GPHN: variants seen among roughly 807,000 people sequenced by gnomAD.
The protein encoded by GPHN is gephyrin.
Under a neutral mutation model 95.5 loss-of-function variants are expected in GPHN, and 17 were observed. That is an observed-to-expected ratio of 0.18 (90% CI 0.12 to 0.27). GPHN has a LOEUF of 0.27. Among genes scored for constraint, GPHN ranks in the 10% least tolerant of loss-of-function variants. The probability of loss-of-function intolerance (pLI) is 1.00; values close to 1 mark genes in which losing one functional copy is unlikely to be tolerated. For synonymous variants in GPHN, 320 were observed against 322.5 expected (o/e 0.99, Z 0.08); for missense variants, 660 against 978.1 (o/e 0.67, Z 4.34).
intron 17 of GPHN, among the ~76,000 whole-genome samples, chr14:67,140,448 T>C (rs72715393): frequency 0.067 from 10,104 of 151,682 alleles, 355 homozygotes; most frequent in Middle Eastern, 0.086. Flanking sequence ...TCAGCTAGGC[T>C]CCAGAACCTT....
chr14:67,308,254 G>A, the GPHN span, among the ~76,000 whole-genome samples: 2,302 of 148,396 alleles, frequency 0.016, 27 homozygotes, highest in Non-Finnish European at 0.024. Flanking sequence ...AAAAGTCAGT[G>A]TAAAAAGTAT....
intron 1 of GPHN, among the ~76,000 whole-genome samples, chr14:66,615,931 T>G (rs1176614558): frequency 6.6e-6 from 1 of 152,136 alleles, no homozygotes; most frequent in Non-Finnish European, 1.5e-5. Context: ...TTCAGTTTTC[T>G]GCATATGGCT....
intron 1 of GPHN, among the ~76,000 whole-genome samples, chr14:66,548,400 C>T (rs905986525): frequency 2.0e-5 from 3 of 152,020 alleles, no homozygotes; most frequent in Non-Finnish European, 4.4e-5. Context: ...AGGCTGGTTT[C>T]GAACTCCTGA....
intron 13 of GPHN, among the ~76,000 whole-genome samples, chr14:67,109,474 C>A (rs1165871300): frequency 6.6e-6 from 1 of 152,090 alleles, no homozygotes; most frequent in Non-Finnish European, 1.5e-5. Context: ...CTTATACCAT[C>A]AATATGAGAG....
intron 1 of GPHN, among the ~76,000 whole-genome samples, chr14:66,613,979 T>A (rs192904241): frequency 4.1e-4 from 63 of 152,292 alleles, no homozygotes; most frequent in African/African-American, 1.4e-3. Flanking sequence ...TGTAGTTATG[T>A]GTTTATGTCT....
At chr14:66,623,364 C>G (rs185818427) in intron 1 of GPHN, among the ~76,000 whole-genome samples, 190 of 152,198 alleles carry the variant, frequency 1.2e-3, no homozygotes, top group Non-Finnish European at 2.2e-3. Context: ...GGTGGGGACA[C>G]AGCCAAACCA....
chr14:67,473,630 G>A, the GPHN span: 17,346 of 1,586,536 alleles, frequency 0.011, 212 homozygotes, highest in Admixed American at 0.052. The surrounding 1 kb of genome is among the most constrained non-coding windows in gnomAD (Gnocchi z 6.5). Context: ...GGCAGGCGTT[G>A]AACTGGCGCA....
chr14:67,557,184 A>G, the GPHN span: 1 of 1,118,604 alleles, frequency 8.9e-7, no homozygotes, highest in Middle Eastern at 2.0e-4. Flanking sequence ...CTGGGGCATC[A>G]GACGGTGTCC....
chr14:66,652,153 C>A (rs2065073657), intron 1 of GPHN, among the ~76,000 whole-genome samples: 1 of 152,040 alleles, frequency 6.6e-6, no homozygotes, highest in Non-Finnish European at 1.5e-5. Flanking sequence ...GGGATATATT[C>A]ATTAACTCAT....
intron 6 of GPHN, among the ~76,000 whole-genome samples, chr14:66,918,501 A>T (rs1425076618): frequency 6.6e-6 from 1 of 152,176 alleles, no homozygotes; most frequent in East Asian, 1.9e-4. Context: ...AAAAAAACTT[A>T]TGTCAAAGTG....
the GPHN span, among the ~76,000 whole-genome samples, chr14:67,404,922 T>G: frequency 6.6e-6 from 1 of 151,014 alleles, no homozygotes; most frequent in African/African-American, 2.4e-5. Flanking sequence ...CTCTAAGGAG[T>G]AAGAGTGGAT....
intron 10 of GPHN, among the ~76,000 whole-genome samples, chr14:67,035,928 C>T (rs768928778): frequency 6.2e-4 from 94 of 151,184 alleles, no homozygotes; most frequent in African/African-American, 2.1e-3. Flanking sequence ...TACCCTGATA[C>T]GAATAGAAAA....
the GPHN span, among the ~76,000 whole-genome samples, chr14:67,363,717 G>C: frequency 6.6e-6 from 1 of 152,192 alleles, no homozygotes; most frequent in East Asian, 1.9e-4. Context: ...TCTGTAGGTA[G>C]TGGAAAGATA....
the GPHN span, among the ~76,000 whole-genome samples, chr14:67,351,179 T>C: frequency 6.6e-6 from 1 of 152,202 alleles, no homozygotes; most frequent in Non-Finnish European, 1.5e-5. Context: ...GAAATATTAA[T>C]ATATCTGGTT....
intron 2 of GPHN, among the ~76,000 whole-genome samples, chr14:66,737,430 C>G (rs1033306755): frequency 5.9e-5 from 9 of 152,148 alleles, no homozygotes; most frequent in Admixed American, 3.9e-4. Context: ...CTCAGGGAAG[C>G]CCCTTTTTCT....
chr14:67,449,544 G>C, the GPHN span, among the ~76,000 whole-genome samples: 7 of 152,282 alleles, frequency 4.6e-5, no homozygotes, highest in Middle Eastern at 3.4e-3. Flanking sequence ...GACAGGCAGG[G>C]ACAACACACA....
intron 2 of GPHN, among the ~76,000 whole-genome samples, chr14:66,752,500 G>A (rs2058403678): frequency 6.6e-6 from 1 of 152,098 alleles, no homozygotes; most frequent in Non-Finnish European, 1.5e-5. Flanking sequence ...AGAAGAGGGA[G>A]AGAGACAGGA....
At chr14:66,731,438 G>C (rs1270913001) in intron 2 of GPHN, among the ~76,000 whole-genome samples, 1 of 152,228 alleles carries the variant, frequency 6.6e-6, no homozygotes, top group Non-Finnish European at 1.5e-5. Context: ...GGTGATCTCA[G>C]ATGGAGATGA....
chr14:67,192,935 T>C, the GPHN span, among the ~76,000 whole-genome samples: 2 of 146,850 alleles, frequency 1.4e-5, no homozygotes, highest in African/African-American at 2.5e-5. Flanking sequence ...TATATAGATA[T>C]CTAGATAAAT....
Sources: allele counts gnomAD v4.1 joint callset (sites outside exome capture counted in the v4.1 genomes callset), GRCh38; gene constraint gnomAD v4.1.1; non-coding constraint Gnocchi (gnomAD v3.1); transcripts MANE v1.5; gene names NCBI Gene and HGNC (gene_info 2026-07-23, HGNC 2026-07-21).